SGCZ: variants seen among roughly 807,000 people sequenced by gnomAD.
The protein encoded by SGCZ is sarcoglycan zeta.
In SGCZ, 40 loss-of-function variants were observed where a neutral mutation model predicts 41.3. That is an observed-to-expected ratio of 0.97 (90% CI 0.75 to 1.26). The LOEUF is 1.26. SGCZ is among the 50% of genes most tolerant of loss of function. The pLI, the probability that SGCZ is intolerant of heterozygous loss-of-function variation, is 0.00. For missense variants in SGCZ, 552 were observed against 369.8 expected, an observed-to-expected ratio of 1.49 and a Z score of -4.04; for synonymous variants, 206 against 137.5, an observed-to-expected ratio of 1.50 and a Z score of -3.49.
chr8:14,457,511 G>A (rs1199609500), intron 2 of SGCZ, among the ~76,000 whole-genome samples: 2 of 152,214 alleles, frequency 1.3e-5, no homozygotes, highest in Admixed American at 1.3e-4. Context: ...ACATCAGTCA[G>A]GCTTGCCTGC....
intron 1 of SGCZ, among the ~76,000 whole-genome samples, chr8:14,923,492 GA>G (rs1799651902): frequency 1.3e-5 from 2 of 152,096 alleles, no homozygotes; most frequent in Non-Finnish European, 2.9e-5. Context: ...TTTTTATAGA[GA>G]TTTTTTTACA....
At chr8:14,753,073 G>T in intron 1 of SGCZ, among the ~76,000 whole-genome samples, 1 of 152,164 alleles carries the variant, frequency 6.6e-6, no homozygotes, top group East Asian at 1.9e-4. Context: ...GGACAGTTTT[G>T]GTTTCCACAC....
At chr8:14,610,973 T>C (rs73194124) in intron 1 of SGCZ, among the ~76,000 whole-genome samples, 6,223 of 152,272 alleles carry the variant, frequency 0.041, 191 homozygotes, top group South Asian at 0.15. Context: ...ACATTTCCTG[T>C]TTTCTTTGAT....
chr8:14,858,360 T>C (rs1045656661), intron 1 of SGCZ, among the ~76,000 whole-genome samples: 5 of 152,098 alleles, frequency 3.3e-5, no homozygotes, highest in African/African-American at 9.7e-5. Context: ...AGAGTAACAT[T>C]GTTTGACGCT....
intron 1 of SGCZ, among the ~76,000 whole-genome samples, chr8:14,735,415 G>A (rs990350315): frequency 2.6e-5 from 4 of 152,162 alleles, no homozygotes; most frequent in Non-Finnish European, 5.9e-5. Context: ...GATTTACTGA[G>A]TTTTCTGGTT....
At chr8:14,376,531 G>A (rs865776986) in intron 2 of SGCZ, among the ~76,000 whole-genome samples, 6 of 151,912 alleles carry the variant, frequency 3.9e-5, no homozygotes, top group Admixed American at 2.0e-4. Context: ...TTATACAGAA[G>A]AAATAGACTT....
intron 2 of SGCZ, among the ~76,000 whole-genome samples, chr8:14,357,816 T>C (rs774613437): frequency 5.3e-5 from 8 of 152,154 alleles, no homozygotes; most frequent in African/African-American, 1.2e-4. Context: ...CAGTATAAAG[T>C]AGAGAAACTG....
intron 4 of SGCZ, among the ~76,000 whole-genome samples, chr8:14,230,140 T>A (rs1404223981): frequency 1.3e-5 from 2 of 152,080 alleles, no homozygotes; most frequent in Non-Finnish European, 2.9e-5. Flanking sequence ...TTGAGGAACG[T>A]AAGGACCAGT....
intron 1 of SGCZ, among the ~76,000 whole-genome samples, chr8:14,990,512 C>T (rs1228603000): frequency 2.6e-5 from 4 of 151,996 alleles, no homozygotes; most frequent in Non-Finnish European, 5.9e-5. Context: ...ACTCCATTGC[C>T]AACTGAGCAT....
At chr8:15,012,945 T>C (rs1304984770) in intron 1 of SGCZ, among the ~76,000 whole-genome samples, 1 of 151,824 alleles carries the variant, frequency 6.6e-6, no homozygotes, top group Non-Finnish European at 1.5e-5. Flanking sequence ...TCAGGTCATG[T>C]TTAGAATGTT....
chr8:14,547,508 G>A (rs1294050896), intron 2 of SGCZ, among the ~76,000 whole-genome samples: 1 of 152,000 alleles, frequency 6.6e-6, no homozygotes, highest in Admixed American at 6.6e-5. Context: ...ATTTTTCCTG[G>A]CAAAATGTAC....
chr8:15,167,887 T>C (rs983389518), intron 1 of SGCZ, among the ~76,000 whole-genome samples: 1 of 152,166 alleles, frequency 6.6e-6, no homozygotes, highest in Admixed American at 6.5e-5. Context: ...AATATTCTAG[T>C]TCTGACCAAT....
intron 4 of SGCZ, among the ~76,000 whole-genome samples, chr8:14,233,601 T>TAC (rs1202057426): frequency 1.5e-5 from 2 of 135,376 alleles, no homozygotes; most frequent in Non-Finnish European, 3.4e-5. Flanking sequence ...AATATAGATA[T>TAC]ATATATATAT....
chr8:14,872,143 G>A (rs1213629950), intron 1 of SGCZ, among the ~76,000 whole-genome samples: 1 of 151,896 alleles, frequency 6.6e-6, no homozygotes, highest in Middle Eastern at 3.2e-3. Flanking sequence ...ACAGGGAGGG[G>A]AACATCACAC....
chr8:15,111,225 C>T (rs942945996), intron 1 of SGCZ, among the ~76,000 whole-genome samples: 7 of 152,112 alleles, frequency 4.6e-5, no homozygotes, highest in African/African-American at 1.7e-4. Context: ...GGCCAATTCG[C>T]GCTGATTTCC....
intron 1 of SGCZ, among the ~76,000 whole-genome samples, chr8:15,091,209 T>G (rs1011852843): frequency 2.0e-5 from 3 of 152,172 alleles, no homozygotes; most frequent in Non-Finnish European, 4.4e-5. Context: ...CTTTTACAGA[T>G]GGGCCCTCAT....
At chr8:14,502,612 A>C (rs1333137110) in intron 2 of SGCZ, among the ~76,000 whole-genome samples, 7 of 84,108 alleles carry the variant, frequency 8.3e-5, no homozygotes, top group African/African-American at 3.1e-4. Context: ...ATTTACAAGA[A>C]AAAAAACAAC....
intron 1 of SGCZ, among the ~76,000 whole-genome samples, chr8:14,647,568 G>A (rs1413159409): frequency 6.6e-6 from 1 of 151,924 alleles, no homozygotes; most frequent in African/African-American, 2.4e-5. Context: ...TTCTTCATGT[G>A]TTTTAGACAT....
At chr8:14,675,609 T>C (rs1248373817) in intron 1 of SGCZ, among the ~76,000 whole-genome samples, 1 of 152,076 alleles carries the variant, frequency 6.6e-6, no homozygotes, top group East Asian at 1.9e-4. Context: ...CTCCTACTGT[T>C]TGGCAGCTGC....
Sources: allele counts gnomAD v4.1 joint callset (sites outside exome capture counted in the v4.1 genomes callset), GRCh38; gene constraint gnomAD v4.1.1; transcripts MANE v1.5; gene names NCBI Gene and HGNC (gene_info 2026-07-23, HGNC 2026-07-21).